STX8: variants seen among roughly 807,000 people sequenced by gnomAD.
STX8 encodes syntaxin 8.
A neutral mutation model predicts 37.5 loss-of-function variants in STX8; 23 were observed. The ratio of observed to expected loss-of-function variants is 0.61; its 90% CI spans 0.44 to 0.87. The LOEUF is 0.87. Ranked by LOEUF, STX8 falls within the 40% of genes least tolerant of loss-of-function variation. The probability of loss-of-function intolerance (pLI) is 0.00; values close to 1 mark genes in which losing one functional copy is unlikely to be tolerated. For missense variants in STX8, 313 were observed against 284.7 expected, an observed-to-expected ratio of 1.10 and a Z score of -0.71; for synonymous variants, 115 against 99.1, an observed-to-expected ratio of 1.16 and a Z score of -0.95.
chr17:9,289,789 A>AAAAAC (rs1908251183), intron 7 of STX8, among the ~76,000 whole-genome samples: 1 of 151,972 alleles, frequency 6.6e-6, no homozygotes, highest in Non-Finnish European at 1.5e-5. Flanking sequence ...CAAAAAAACA[A>AAAAAC]AAACAAAACA....
intron 6 of STX8, among the ~76,000 whole-genome samples, chr17:9,469,523 A>G (rs1301064866): frequency 1.3e-5 from 2 of 152,222 alleles, no homozygotes; most frequent in Non-Finnish European, 1.5e-5. Context: ...ATTAATGTAC[A>G]TCCCAAGTCG....
chr17:9,332,477 G>A (rs1277224746), intron 7 of STX8, among the ~76,000 whole-genome samples: 1 of 152,164 alleles, frequency 6.6e-6, no homozygotes, highest in Non-Finnish European at 1.5e-5. Context: ...TCTTCTTCTA[G>A]AGACCTAGAT....
intron 6 of STX8, among the ~76,000 whole-genome samples, chr17:9,422,390 AGCCACCAT>A (rs1423366762): frequency 6.6e-6 from 1 of 152,228 alleles, no homozygotes; most frequent in Non-Finnish European, 1.5e-5. Context: ...TACAGGTGTG[AGCCACCAT>A]GCCTGGCCAA....
At chr17:9,572,471 G>A (rs531011007) in intron 1 of STX8, among the ~76,000 whole-genome samples, 6 of 152,184 alleles carry the variant, frequency 3.9e-5, no homozygotes, top group East Asian at 1.9e-4. Flanking sequence ...GTGCAGTGGC[G>A]CAATCTCGGC....
chr17:9,509,578 G>T (rs1052359609), intron 4 of STX8, among the ~76,000 whole-genome samples: 1 of 151,986 alleles, frequency 6.6e-6, no homozygotes, highest in East Asian at 1.9e-4. Flanking sequence ...GATCATAACA[G>T]CCATTATAAA....
chr17:9,454,943 C>T (rs1427332321), intron 6 of STX8, among the ~76,000 whole-genome samples: 1 of 152,132 alleles, frequency 6.6e-6, no homozygotes, highest in Non-Finnish European at 1.5e-5. Flanking sequence ...AAAGTGGGCA[C>T]AGTGGCTCAT....
intron 7 of STX8, among the ~76,000 whole-genome samples, chr17:9,335,816 C>T (rs1245826419): frequency 1.1e-5 from 1 of 90,066 alleles, no homozygotes. Flanking sequence ...CTCTCTCTCA[C>T]ACACACACAC....
chr17:9,462,606 C>A (rs903268358), intron 6 of STX8, among the ~76,000 whole-genome samples: 2 of 152,006 alleles, frequency 1.3e-5, no homozygotes, highest in Non-Finnish European at 2.9e-5. Flanking sequence ...GCCTGTAATC[C>A]CAGCTACTCA....
At chr17:9,572,673 G>C (rs952440977) in intron 1 of STX8, among the ~76,000 whole-genome samples, 1 of 151,926 alleles carries the variant, frequency 6.6e-6, no homozygotes, top group Non-Finnish European at 1.5e-5. Context: ...CTCCCAAAGT[G>C]CTAGGATTAC....
At chr17:9,476,921 C>T (rs940630661) in intron 6 of STX8, among the ~76,000 whole-genome samples, 9 of 152,130 alleles carry the variant, frequency 5.9e-5, no homozygotes, top group Non-Finnish European at 1.3e-4. Flanking sequence ...TCATGGCTTA[C>T]TGCAGTCTTG....
At chr17:9,443,605 G>T (rs908802940) in intron 6 of STX8, among the ~76,000 whole-genome samples, 4 of 152,056 alleles carry the variant, frequency 2.6e-5, no homozygotes, top group Non-Finnish European at 4.4e-5. Context: ...CAGAACCACA[G>T]TCATTGTCCA....
chr17:9,458,559 A>C (rs1341549093), intron 6 of STX8, among the ~76,000 whole-genome samples: 1 of 152,214 alleles, frequency 6.6e-6, no homozygotes, highest in Non-Finnish European at 1.5e-5. Context: ...AGTAATCATG[A>C]CTTTGAGAAG....
chr17:9,402,940 G>A (rs1283233461), intron 6 of STX8, among the ~76,000 whole-genome samples: 1 of 152,218 alleles, frequency 6.6e-6, no homozygotes, highest in Admixed American at 6.5e-5. Flanking sequence ...GCTCATAGCA[G>A]ACAACGAGCA....
chr17:9,304,164 C>G (rs2142181411), intron 7 of STX8, among the ~76,000 whole-genome samples: 1 of 151,894 alleles, frequency 6.6e-6, no homozygotes, highest in Non-Finnish European at 1.5e-5. Context: ...AAAGGAAATA[C>G]AAATGGTCAT....
chr17:9,501,354 T>C (rs1695435049), intron 5 of STX8, among the ~76,000 whole-genome samples: 1 of 152,160 alleles, frequency 6.6e-6, no homozygotes, highest in Non-Finnish European at 1.5e-5. Context: ...GGCATTGGTA[T>C]AAAGATAAAC....
At chr17:9,542,910 A>G (rs1291874142) in intron 4 of STX8, among the ~76,000 whole-genome samples, 1 of 152,080 alleles carries the variant, frequency 6.6e-6, no homozygotes, top group African/African-American at 2.4e-5. Context: ...AGATGATCAG[A>G]GAAGAGGGGT....
chr17:9,505,921 AGCG>A, intron 4 of STX8, among the ~76,000 whole-genome samples: 1 of 138,654 alleles, frequency 7.2e-6, no homozygotes, highest in African/African-American at 2.7e-5. Context: ...CAGCCTGGGT[AGCG>A]GAGCAAGACT....
intron 6 of STX8, among the ~76,000 whole-genome samples, chr17:9,447,040 A>T (rs192387435): frequency 6.6e-6 from 1 of 152,344 alleles, no homozygotes; most frequent in East Asian, 1.9e-4. Context: ...CCTACTGCAT[A>T]GAATACGATC....
At chr17:9,362,840 A>AAAAAAAAATAAAT (rs1555601151) in intron 7 of STX8, among the ~76,000 whole-genome samples, 1 of 115,444 alleles carries the variant, frequency 8.7e-6, no homozygotes, top group Non-Finnish European at 2.0e-5. Flanking sequence ...AAAAAAAAAA[A>AAAAAAAAATAAAT]AAATAAATAA....
Sources: gnomAD v4.1 joint callset for allele counts (sites outside exome capture counted in the v4.1 genomes callset) on GRCh38, gnomAD v4.1.1 for gene constraint, MANE v1.5 for transcripts, NCBI Gene and HGNC (gene_info 2026-07-23, HGNC 2026-07-21) for gene names.